Variants in MOG observed in about 807,000 individuals in gnomAD.
MOG encodes myelin oligodendrocyte glycoprotein.
In MOG, 20 loss-of-function variants were observed where a neutral mutation model predicts 35.9. The ratio of observed to expected loss-of-function variants is 0.56; its 90% CI spans 0.39 to 0.81. MOG has a LOEUF of 0.81. Ranked by LOEUF, MOG falls within the 30% of genes least tolerant of loss-of-function variation. The pLI is 0.00. For missense variants in MOG, 251 were observed against 301.0 expected, an observed-to-expected ratio of 0.83 and a Z score of 1.23; for synonymous variants, 92 against 114.3, an observed-to-expected ratio of 0.80 and a Z score of 1.25.
intron 2 of MOG, chr6:29,664,799 GTCTCACATTATGTTGCCCAGTC>G: frequency 3.0e-6 from 1 of 334,578 alleles, no homozygotes; most frequent in Non-Finnish European, 5.8e-6. Flanking sequence ...TAGAGGCAGG[GTCTCACATTATGTTGCCCAGTC>G]TGGCCTCGAG....
Position 29,670,583 on chromosome 6 carries a change from C to G in MOG, c.710-118C>G. ...CTGTGAAGAGAACCACTTACTGGAT[C>G]TGTGGGATCCCCCAGTGGAAAGGGC... is the stretch of plus-strand genomic sequence containing the variant. On this transcript the variant is annotated intron_variant, in intron 6 of 7. Coordinates refer to ENST00000376917, the MANE Select transcript of MOG (RefSeq NM_206809.4). The surrounding 1 kb of genome is among the most constrained non-coding windows in gnomAD (Gnocchi z 4.2). 1 of 1,575,562 alleles carries G rather than the reference C, an allele frequency of 6.3e-7. No homozygotes were observed. Among genetic ancestry groups the G allele is most frequent in the South Asian group, 1.1e-5 (1 of 88,388 alleles).
chr6:29,661,816 C>CAA (rs9278231), intron 2 of MOG: 2,258 of 867,442 alleles, frequency 2.6e-3, no homozygotes, highest in South Asian at 4.1e-3. Flanking sequence ...AACTCCATCT[C>CAA]AAAAAAAAAA....
chr6:29,667,536 G>A, intron 3 of MOG, 107 bp from the exon 4 acceptor site: 1 of 1,117,002 alleles, frequency 9.0e-7, no homozygotes, highest in Non-Finnish European at 1.4e-6. Flanking sequence ...TTGTTTCCAG[G>A]CTGCAGAGAA....
Position 29,671,704 on chromosome 6 carries a change from G to C in MOG, c.*519G>C. The C allele has an allele frequency of 1.7e-6, 1 of 581,254 alleles. No homozygotes were observed. The highest frequency in any genetic ancestry group is 2.2e-5 in the South Asian group (1 of 46,164). The allele number at this position is 581,254 out of a possible 1,614,324, so 36.0% of individuals were successfully genotyped here. On this transcript the variant is annotated 3_prime_UTR_variant, in exon 8 of 8. Coordinates refer to ENST00000376917, the MANE Select transcript of MOG (RefSeq NM_206809.4). The stretch of plus-strand genomic sequence containing the variant: ...AGTGAGCTGAAGAGTGAGGATATGA[G>C]TAGCCCCAACCCAAACCTGGAGATG...
chr6:29,669,776 G>A (rs201086407), intron 5 of MOG, among the ~76,000 whole-genome samples: 1 of 152,150 alleles, frequency 6.6e-6, no homozygotes, highest in East Asian at 1.9e-4. Context: ...GGGGGAATGG[G>A]TGTTGGTGGG....
chr6:29,661,273 C>A, intron 2 of MOG: 1 of 592,432 alleles, frequency 1.7e-6, no homozygotes, highest in Non-Finnish European at 2.1e-6. Flanking sequence ...CATTGCAGTG[C>A]TGGGACCAGA....
intron 1 of MOG, 140 bp downstream of exon 1, chr6:29,657,437 T>C: frequency 1.4e-6 from 1 of 711,090 alleles, no homozygotes; most frequent in South Asian, 1.6e-5. Context: ...CCTCCCTTCC[T>C]CAGAAACCTT....
intron 3 of MOG, among the ~76,000 whole-genome samples, chr6:29,666,850 AG>A (rs1770324454): frequency 6.6e-6 from 1 of 152,194 alleles, no homozygotes; most frequent in Non-Finnish European, 1.5e-5. Flanking sequence ...ATGCCAGAGC[AG>A]GAAGAGTCTT....
At chr6:29,663,150 G>A (rs777851058) in intron 2 of MOG, among the ~76,000 whole-genome samples, 3 of 151,372 alleles carry the variant, frequency 2.0e-5, no homozygotes, top group Non-Finnish European at 4.4e-5. Flanking sequence ...GCAGGCGCCT[G>A]TAGTCCCAGC....
Position 29,670,842 on chromosome 6 carries a change from A to AAT in MOG, c.730+121_730+122insAT. On this transcript the variant is annotated intron_variant, in intron 7 of 7. Transcript: ENST00000376917. This position sits in a 1 kb window ranked among gnomAD's most constrained non-coding sequence, Gnocchi z 4.2. ...ATTCCCAGAGGAAAGGAGGAGCTGGAGAGCCTGGGTGGAGGGAAGACTCCT... is the reference window on the plus strand; with the variant it reads ...ATTCCCAGAGGAAAGGAGGAGCTGGAATGAGCCTGGGTGGAGGGAAGACTCCT... 6.3e-7 allele frequency: 1 copy of AAT among 1,580,474 alleles called. No individual in the cohort carries two copies. The highest frequency in any genetic ancestry group is 1.1e-5 in the South Asian group (1 of 87,626).
In MOG at chr6:29,671,499, G is replaced by C; in HGVS notation, c.*314G>C. Reference sequence around the variant, plus strand: ...CATCAGAGGACACCTGTACTGGAGAGCAACACAGGATGGTCTCTGCCATGA... The same window carrying C: ...CATCAGAGGACACCTGTACTGGAGACCAACACAGGATGGTCTCTGCCATGA... On this transcript the variant is annotated 3_prime_UTR_variant, in exon 8 of 8. Transcript: ENST00000376917. The C allele has an allele frequency of 8.2e-7, 1 of 1,216,086 alleles. No individual in the cohort carries two copies. Among genetic ancestry groups the C allele is most frequent in the Non-Finnish European group, 1.2e-6 (1 of 818,106 alleles). 75.3% of individuals were successfully genotyped at this position (1,216,086 alleles called of 1,614,324 possible). A position where few individuals can be genotyped will look rare whatever the true frequency, so the allele number is the denominator to read the frequency against.
rs767739197 is a variant in MOG, at chr6:29,666,031, C to A, written c.437-121C>A. ...AGCTCAGGGACCAATTCTGTGTCAC[C>A]TTCTTTGAATCCTGATGATATTCAC... On this transcript the variant is annotated intron_variant, in intron 2 of 7. Coordinates refer to ENST00000376917, the MANE Select transcript of MOG (RefSeq NM_206809.4). 5.0e-6 allele frequency: 4 copies of A among 792,952 alleles called. No individual in the cohort carries two copies. In the Admixed American group the frequency reaches 7.0e-5, roughly 14 times the overall value. 49.1% of individuals were successfully genotyped at this position (792,952 alleles called of 1,614,324 possible).
intron 2 of MOG, chr6:29,661,657 C>T (rs1454308936): frequency 2.4e-6 from 2 of 826,366 alleles, no homozygotes; most frequent in Middle Eastern, 6.2e-4. Flanking sequence ...CCTGTCTCTA[C>T]TAAAAACACA....
At chr6:29,657,710 C>T (rs963251383) in intron 1 of MOG, among the ~76,000 whole-genome samples, 34 of 134,414 alleles carry the variant, frequency 2.5e-4, no homozygotes, top group Non-Finnish European at 4.8e-4. Context: ...CGGGGTTTCA[C>T]ATGTTGGCCA....
intron 1 of MOG, among the ~76,000 whole-genome samples, chr6:29,658,946 T>C (rs1452465575): frequency 6.6e-6 from 1 of 152,086 alleles, no homozygotes; most frequent in Non-Finnish European, 1.5e-5. Flanking sequence ...ACCTCATCTT[T>C]ACTAAAAATA....
chr6:29,661,591 C>T (rs1368790940), intron 2 of MOG: 24 of 961,210 alleles, frequency 2.5e-5, no homozygotes, highest in South Asian at 4.8e-5. Context: ...GAGGCCGAGG[C>T]GGGTGGATCA....
chr6:29,658,425 G>A (rs375282467), intron 1 of MOG, among the ~76,000 whole-genome samples: 4 of 152,210 alleles, frequency 2.6e-5, no homozygotes, highest in African/African-American at 9.6e-5. Flanking sequence ...CAGTGAGGTG[G>A]AAGATACAGG....
intron 2 of MOG, among the ~76,000 whole-genome samples, chr6:29,660,561 C>A (rs368245380): frequency 1.0e-5 from 1 of 98,040 alleles, no homozygotes; most frequent in East Asian, 2.6e-4. Flanking sequence ...TATTTGTGAG[C>A]GCACACACAC....
chr6:29,669,655 C>G (rs1288633361), intron 5 of MOG, among the ~76,000 whole-genome samples: 2 of 152,100 alleles, frequency 1.3e-5, no homozygotes, highest in African/African-American at 4.8e-5. Flanking sequence ...TGCAATAACT[C>G]TAATGGGAAT....
Sources: allele counts gnomAD v4.1 joint callset (sites outside exome capture counted in the v4.1 genomes callset), GRCh38; gene constraint gnomAD v4.1.1; non-coding constraint Gnocchi (gnomAD v3.1); transcripts MANE v1.5; gene names NCBI Gene and HGNC (gene_info 2026-07-23, HGNC 2026-07-21).